RANBP2: variants seen among roughly 807,000 people sequenced by gnomAD.
RANBP2 encodes E3 SUMO-protein ligase RanBP2.
A neutral mutation model predicts 303.6 loss-of-function variants in RANBP2; 57 were observed. That is an observed-to-expected ratio of 0.19 (90% confidence interval 0.15 to 0.23). The LOEUF (loss-of-function observed/expected upper bound fraction) is 0.23. Ranked by LOEUF, RANBP2 falls within the 10% of genes least tolerant of loss-of-function variation. The pLI, the probability that RANBP2 is intolerant of heterozygous loss-of-function variation, is 1.00. For synonymous variants in RANBP2, 1,167 were observed against 1,301.5 expected (o/e 0.90, Z 2.23); for missense variants, 3,138 against 3,780.8 (o/e 0.83, Z 4.46).
At chr2:109,089,584 C>A in the RANBP2 span, among the ~76,000 whole-genome samples, 3 of 151,960 alleles carry the variant, frequency 2.0e-5, no homozygotes, top group Non-Finnish European at 4.4e-5. Flanking sequence ...CCAGCCTGGG[C>A]GACAGAGCAA....
the RANBP2 span, among the ~76,000 whole-genome samples, chr2:109,321,110 T>C: frequency 6.6e-6 from 1 of 152,240 alleles, no homozygotes; most frequent in African/African-American, 2.4e-5. Flanking sequence ...GTAGTATTCA[T>C]GGAAGAAAGA....
the RANBP2 span, among the ~76,000 whole-genome samples, chr2:108,998,272 G>C: frequency 2.0e-5 from 3 of 152,072 alleles, no homozygotes; most frequent in East Asian, 1.9e-4. Context: ...CATTCATCTC[G>C]ACCTGCCCCT....
At chr2:109,726,859 A>C in the RANBP2 span, among the ~76,000 whole-genome samples, 3 of 152,196 alleles carry the variant, frequency 2.0e-5, no homozygotes, top group Non-Finnish European at 4.4e-5. Flanking sequence ...CCCAGTGGAC[A>C]GAGGCAGGGA....
At chr2:109,370,494 C>T in the RANBP2 span, among the ~76,000 whole-genome samples, 2 of 152,236 alleles carry the variant, frequency 1.3e-5, no homozygotes, top group East Asian at 3.9e-4. Flanking sequence ...CCGCCTCGAC[C>T]TCCCAAAGTG....
At chr2:108,991,747 C>G in the RANBP2 span, among the ~76,000 whole-genome samples, 2 of 152,308 alleles carry the variant, frequency 1.3e-5, no homozygotes, top group African/African-American at 4.8e-5. Context: ...TCTTGCAGAT[C>G]AGATAATTTC....
chr2:108,734,312 G>A (rs1344233311), intron 4 of RANBP2, among the ~76,000 whole-genome samples: 1 of 152,102 alleles, frequency 6.6e-6, no homozygotes, highest in African/African-American at 2.4e-5. Context: ...AGGAAGGTAT[G>A]GGGAAGTTGA....
At chr2:108,832,336 ATTTC>A in the RANBP2 span, among the ~76,000 whole-genome samples, 714 of 127,748 alleles carry the variant, frequency 5.6e-3, 7 homozygotes, top group African/African-American at 0.017. Context: ...CAGAATTTGT[ATTTC>A]TTTCTTTTTT....
the RANBP2 span, among the ~76,000 whole-genome samples, chr2:108,831,198 C>CT: frequency 3.3e-5 from 5 of 151,812 alleles, no homozygotes; most frequent in African/African-American, 1.2e-4. Context: ...GAAAAAAAAT[C>CT]TGACAATGTC....
the RANBP2 span, chr2:108,856,839 A>C: frequency 1.0e-4 from 164 of 1,613,438 alleles, no homozygotes; most frequent in Middle Eastern, 6.6e-4. Context: ...TTGGACTTGA[A>C]GACAGAAGAA....
the RANBP2 span, chr2:108,839,075 CTTTTG>C: frequency 9.6e-4 from 1,142 of 1,187,464 alleles, no homozygotes; most frequent in Non-Finnish European, 1.2e-3. Context: ...TTGGAGAACT[CTTTTG>C]TTTTGTTTTG....
the RANBP2 span, among the ~76,000 whole-genome samples, chr2:109,191,992 T>TC: frequency 1.3e-5 from 2 of 151,716 alleles, no homozygotes; most frequent in East Asian, 1.9e-4. Flanking sequence ...CTACAAACCC[T>TC]CCCCCTCCAC....
At chr2:109,480,902 T>C in the RANBP2 span, among the ~76,000 whole-genome samples, 1 of 152,124 alleles carries the variant, frequency 6.6e-6, no homozygotes, top group African/African-American at 2.4e-5. Flanking sequence ...GGTTTCTGTC[T>C]TAAAAGAATG....
At chr2:109,314,339 G>A in the RANBP2 span, among the ~76,000 whole-genome samples, 2 of 152,202 alleles carry the variant, frequency 1.3e-5, no homozygotes, top group African/African-American at 2.4e-5. Flanking sequence ...CAAAGGCTCA[G>A]GGTTCCAGAA....
At chr2:108,811,114 T>C in the RANBP2 span, among the ~76,000 whole-genome samples, 1 of 151,260 alleles carries the variant, frequency 6.6e-6, no homozygotes, top group Non-Finnish European at 1.5e-5. Flanking sequence ...TTTTTTTTCT[T>C]TTTTCTTTCC....
At chr2:109,475,984 C>T in the RANBP2 span, among the ~76,000 whole-genome samples, 1 of 152,232 alleles carries the variant, frequency 6.6e-6, no homozygotes, top group Non-Finnish European at 1.5e-5. Flanking sequence ...GGAGCTGACT[C>T]TTCTTGCTCA....
chr2:109,190,150 CCTCT>C, the RANBP2 span, among the ~76,000 whole-genome samples: 1 of 152,152 alleles, frequency 6.6e-6, no homozygotes, highest in Admixed American at 6.5e-5. Context: ...AGAATCTTTC[CCTCT>C]ATTACAATCA....
the RANBP2 span, among the ~76,000 whole-genome samples, chr2:108,805,304 T>C: frequency 2.6e-5 from 4 of 152,206 alleles, no homozygotes; most frequent in Non-Finnish European, 5.9e-5. Context: ...TATTTATCAC[T>C]ACTTATTTAA....
At chr2:109,604,180 G>GA in the RANBP2 span, among the ~76,000 whole-genome samples, 1 of 116,536 alleles carries the variant, frequency 8.6e-6, no homozygotes, top group Non-Finnish European at 1.8e-5. Flanking sequence ...AAAAAAAAAA[G>GA]AATTAAAAAA....
the RANBP2 span, among the ~76,000 whole-genome samples, chr2:109,064,403 C>T: frequency 3.1e-5 from 4 of 127,322 alleles, no homozygotes; most frequent in Admixed American, 1.0e-4. Context: ...TTGCAGTGAG[C>T]TGAGATCACG....
Sources: gnomAD v4.1 joint callset for allele counts (sites outside exome capture counted in the v4.1 genomes callset) on GRCh38, gnomAD v4.1.1 for gene constraint, MANE v1.5 for transcripts, NCBI Gene and HGNC (gene_info 2026-07-23, HGNC 2026-07-21) for gene names.